HSD17B11: variants seen among roughly 807,000 people sequenced by gnomAD.
The protein encoded by HSD17B11 is estradiol 17-beta-dehydrogenase 11.
HSD17B11 carries 22 observed loss-of-function variants against 27.8 expected under a neutral mutation model. The observed-to-expected ratio is 0.79, with a 90% confidence interval of 0.56 to 1.13. HSD17B11 has a LOEUF of 1.13. HSD17B11 is among the 50% of genes most tolerant of loss of function. HSD17B11 has a pLI of 0.00. For synonymous variants in HSD17B11, 117 were observed against 132.8 expected (o/e 0.88, Z 0.82); for missense variants, 314 against 351.1 (o/e 0.89, Z 0.84).
intron 1 of HSD17B11, among the ~76,000 whole-genome samples, chr4:87,384,377 G>T (rs1720250409): frequency 1.3e-5 from 2 of 152,062 alleles, no homozygotes; most frequent in East Asian, 3.9e-4. Flanking sequence ...CCTTGAAAAA[G>T]AACAGAATAA....
intron 2 of HSD17B11, among the ~76,000 whole-genome samples, chr4:87,376,949 G>A (rs900759154): frequency 6.6e-6 from 1 of 151,970 alleles, no homozygotes; most frequent in African/African-American, 2.4e-5. Flanking sequence ...GATTGACATG[G>A]TGAAACTGCA....
Position 87,336,899 on chromosome 4 carries a change from A to G in HSD17B11, c.*377T>C, listed in dbSNP as rs1436787706. On this transcript the variant is annotated 3_prime_UTR_variant, in exon 7 of 7. Coordinates refer to ENST00000358290, the MANE Select transcript of HSD17B11 (RefSeq NM_016245.5). ...TTTCTGATTTTATGTAGAACAGAAAAAGAAACACAAATTATACAAAATTTA... is the reference window on the plus strand; with the variant it reads ...TTTCTGATTTTATGTAGAACAGAAAGAGAAACACAAATTATACAAAATTTA... 1 of 183,532 alleles carries G rather than the reference A, an allele frequency of 5.4e-6. No individual in the cohort carries two copies. The highest frequency in any genetic ancestry group is 2.4e-5 in the African/African-American group (1 of 41,706). The allele number at this position is 183,532 out of a possible 1,614,324, so 11.4% of individuals were successfully genotyped here.
chr4:87,361,761 T>C (rs749608627), intron 4 of HSD17B11, among the ~76,000 whole-genome samples: 2 of 152,040 alleles, frequency 1.3e-5, no homozygotes, highest in African/African-American at 2.4e-5. Context: ...AGCGAGACTC[T>C]GTCTCAAAAA....
chr4:87,359,028 C>CA (rs1220327353), intron 4 of HSD17B11, among the ~76,000 whole-genome samples: 3 of 152,088 alleles, frequency 2.0e-5, no homozygotes, highest in Admixed American at 6.5e-5. Context: ...AGGTGTTTGG[C>CA]AGTTCGTCTC....
chr4:87,380,716 A>G (rs1293225139), intron 2 of HSD17B11, among the ~76,000 whole-genome samples: 1 of 147,042 alleles, frequency 6.8e-6, no homozygotes, highest in Non-Finnish European at 1.5e-5. Flanking sequence ...AAATTAGCCA[A>G]GCGTGGTGAC....
At chr4:87,386,666 T>C (rs1471513167) in intron 1 of HSD17B11, among the ~76,000 whole-genome samples, 1 of 152,226 alleles carries the variant, frequency 6.6e-6, no homozygotes. Context: ...TCTTCAAGAT[T>C]TCCCTTGGTA....
chr4:87,382,247 C>T lies in HSD17B11; in HGVS notation c.318+8G>A, dbSNP rs751809236. 3.1e-6 allele frequency: 5 copies of T among 1,600,904 alleles called. No homozygotes were observed. The highest frequency in any genetic ancestry group is 1.7e-5 in the Admixed American group (1 of 59,958). ...ATGATATGATTCTAACTAAACACAA[C>T]ATTTCACCTTCTTTGCAGAGCTGTA... On this transcript the variant is annotated splice_region_variant and intron_variant, in intron 2 of 6. Coordinates refer to ENST00000358290, the MANE Select transcript of HSD17B11 (RefSeq NM_016245.5).
intron 5 of HSD17B11, among the ~76,000 whole-genome samples, chr4:87,341,164 GT>G (rs961260971): frequency 2.0e-5 from 3 of 151,290 alleles, no homozygotes; most frequent in Admixed American, 1.3e-4. Context: ...GGTTGTTGTT[GT>G]TTTTTTTGGT....
intron 2 of HSD17B11, among the ~76,000 whole-genome samples, chr4:87,378,964 T>A (rs187385387): frequency 0.048 from 3,102 of 64,560 alleles, 372 homozygotes; most frequent in African/African-American, 0.081. Context: ...ATATATATTT[T>A]TTTTTTTTTT....
chr4:87,390,756 T>C (rs909784875), intron 1 of HSD17B11, 105 bp downstream of exon 1: 1 of 930,228 alleles, frequency 1.1e-6, no homozygotes, highest in Non-Finnish European at 1.7e-6. Context: ...AATTTTTTTT[T>C]CCTCCCTGCT....
intron 5 of HSD17B11, among the ~76,000 whole-genome samples, chr4:87,356,123 G>T (rs1211578578): frequency 3.9e-5 from 6 of 152,328 alleles, no homozygotes; most frequent in Middle Eastern, 3.4e-3. Context: ...AAGGCAGACT[G>T]ATGAAGAAGT....
At chr4:87,341,895 T>TA (rs1057335065) in intron 5 of HSD17B11, among the ~76,000 whole-genome samples, 3 of 151,896 alleles carry the variant, frequency 2.0e-5, no homozygotes, top group South Asian at 2.1e-4. Flanking sequence ...ATAAGTGGCT[T>TA]AAAAAAATCA....
At position 87,357,948 on chromosome 4, in the gene HSD17B11, A is replaced by ATTTTTTTTTTTTTTTTTTTTTTTT. The variant is rs748955521; in HGVS notation, c.558-533_558-532insAAAAAAAAAAAAAAAAAAAAAAAA. On this transcript the variant is annotated intron_variant, in intron 4 of 6. Coordinates refer to ENST00000358290, the MANE Select transcript of HSD17B11 (RefSeq NM_016245.5). ...TTTGTAACTGAACATTCATTAGAGA[A>ATTTTTTTTTTTTTTTTTTTTTTTT]ATTTTTTTTTTTTTTTTTTTTTTTT... Among the ~76,000 whole-genome samples, 3 of 97,316 alleles carry ATTTTTTTTTTTTTTTTTTTTTTTT rather than the reference A, an allele frequency of 3.1e-5. 1 individual carries two copies. The highest frequency in any genetic ancestry group is 1.3e-4 in the African/African-American group (3 of 22,248). 63.8% of individuals were successfully genotyped at this position (97,316 alleles called of 152,430 possible).
chr4:87,380,863 CAAAAAAAAAAAAA>C (rs561938045), intron 2 of HSD17B11, among the ~76,000 whole-genome samples: 27,461 of 75,142 alleles, frequency 0.37, 3,815 homozygotes, highest in Admixed American at 0.48. Context: ...GACTCTATCT[CAAAAAAAAAAAAA>C]AAAAAAAAAA....
chr4:87,370,749 A>G (rs1375802120), intron 4 of HSD17B11, among the ~76,000 whole-genome samples: 1 of 6,488 alleles, frequency 1.5e-4, no homozygotes, highest in Non-Finnish European at 2.8e-4. Flanking sequence ...TATTATTATT[A>G]TTATTATTTT....
intron 4 of HSD17B11, among the ~76,000 whole-genome samples, chr4:87,366,274 C>G (rs1735612523): frequency 6.6e-6 from 1 of 152,150 alleles, no homozygotes. Flanking sequence ...AAAAGCACAA[C>G]AGGTTTCTCT....
intron 1 of HSD17B11, among the ~76,000 whole-genome samples, chr4:87,390,267 C>T (rs1302298360): frequency 6.6e-5 from 10 of 152,154 alleles, no homozygotes; most frequent in Admixed American, 5.9e-4. Context: ...CGCCATTCTC[C>T]TGCCTCAGCC....
intron 6 of HSD17B11, among the ~76,000 whole-genome samples, chr4:87,340,143 T>C (rs112024293): frequency 8.5e-4 from 130 of 152,338 alleles, no homozygotes; most frequent in African/African-American, 2.6e-3. Flanking sequence ...TTTAAATAAA[T>C]ACCTAAAACC....
chr4:87,338,182 G>A (rs572502146), intron 6 of HSD17B11, among the ~76,000 whole-genome samples: 3 of 152,170 alleles, frequency 2.0e-5, no homozygotes, highest in Non-Finnish European at 2.9e-5. Context: ...ATGCCATTGC[G>A]CTCCAGCCTG....
Sources: allele counts gnomAD v4.1 joint callset (sites outside exome capture counted in the v4.1 genomes callset), GRCh38; gene constraint gnomAD v4.1.1; transcripts MANE v1.5; gene names NCBI Gene and HGNC (gene_info 2026-07-23, HGNC 2026-07-21).